Variants in DLG2 observed in about 807,000 individuals in gnomAD.
DLG2 encodes the protein disks large homolog 2.
Under a neutral mutation model 132.5 loss-of-function variants are expected in DLG2, and 45 were observed. The ratio of observed to expected loss-of-function variants is 0.34; its 90% CI spans 0.27 to 0.44. DLG2 has a LOEUF of 0.44. DLG2 is among the 20% of genes least tolerant of loss of function. The pLI is 1.00. For missense variants in DLG2, 1,045 were observed against 1,196.9 expected (o/e 0.87, Z 1.87); for synonymous variants, 424 against 419.6 (o/e 1.01, Z -0.13).
chr11:84,090,742 A>G (rs1470051423), intron 10 of DLG2, among the ~76,000 whole-genome samples: 1 of 152,206 alleles, frequency 6.6e-6, no homozygotes, highest in Non-Finnish European at 1.5e-5. Context: ...TGTTCATTCT[A>G]TCAGGTTCAG....
chr11:85,046,179 C>A (rs188024224), intron 6 of DLG2, among the ~76,000 whole-genome samples: 40 of 152,132 alleles, frequency 2.6e-4, no homozygotes, highest in Non-Finnish European at 4.7e-4. Context: ...CAACCTAATT[C>A]CCTCTATGAT....
chr11:85,317,575 T>C (rs147008131), intron 3 of DLG2, among the ~76,000 whole-genome samples: 267 of 152,088 alleles, frequency 1.8e-3, no homozygotes, highest in Non-Finnish European at 2.8e-3. Flanking sequence ...TGCTGGATGC[T>C]ATGAGAATAG....
At chr11:84,269,692 A>G (rs981947674) in intron 7 of DLG2, among the ~76,000 whole-genome samples, 1 of 152,228 alleles carries the variant, frequency 6.6e-6, no homozygotes, top group Non-Finnish European at 1.5e-5. Context: ...GAGATGAATG[A>G]ACGAATGAAT....
At chr11:84,646,617 A>C (rs2154545940) in intron 6 of DLG2, among the ~76,000 whole-genome samples, 1 of 152,274 alleles carries the variant, frequency 6.6e-6, no homozygotes, top group Non-Finnish European at 1.5e-5. Context: ...AAAAAGAAAA[A>C]AAAAACTCTA....
intron 15 of DLG2, among the ~76,000 whole-genome samples, chr11:83,881,551 C>T (rs1197884892): frequency 1.3e-5 from 2 of 152,076 alleles, no homozygotes; most frequent in Non-Finnish European, 2.9e-5. Flanking sequence ...TATAATAAGG[C>T]ATAAGGACTG....
At chr11:85,153,812 A>C (rs1157862100) in intron 5 of DLG2, among the ~76,000 whole-genome samples, 1 of 152,178 alleles carries the variant, frequency 6.6e-6, no homozygotes, top group Non-Finnish European at 1.5e-5. Context: ...AGCAGTACTA[A>C]GCATGTTCAT....
At chr11:85,488,655 A>G (rs564325451) in intron 3 of DLG2, among the ~76,000 whole-genome samples, 4 of 152,210 alleles carry the variant, frequency 2.6e-5, no homozygotes, top group Admixed American at 2.0e-4. Context: ...AATAAACAAG[A>G]GTATTCCCAG....
chr11:84,155,669 A>T (rs75602007), intron 9 of DLG2, among the ~76,000 whole-genome samples: 6,471 of 151,996 alleles, frequency 0.043, 440 homozygotes, highest in African/African-American at 0.15. Flanking sequence ...TTCTCAAATT[A>T]TTCCAACACC....
At chr11:85,568,970 T>C (rs988548354) in intron 3 of DLG2, among the ~76,000 whole-genome samples, 1 of 152,172 alleles carries the variant, frequency 6.6e-6, no homozygotes, top group Non-Finnish European at 1.5e-5. Context: ...CATTCTTCTT[T>C]TTCTAGTTCT....
intron 3 of DLG2, 89 bp downstream of exon 3, chr11:85,598,567 TG>T (rs1371188352): frequency 4.6e-5 from 39 of 846,068 alleles, no homozygotes; most frequent in Non-Finnish European, 6.0e-5. Flanking sequence ...GTTTGAAACT[TG>T]GTTAACATCA....
chr11:84,185,575 C>A (rs865819104), intron 8 of DLG2, among the ~76,000 whole-genome samples: 2 of 152,108 alleles, frequency 1.3e-5, no homozygotes, highest in South Asian at 2.1e-4. Context: ...CCTTCTCCTG[C>A]CTGATTGCCC....
At position 85,205,175 on chromosome 11, in the gene DLG2, T is replaced by C. The variant is rs1489461132; in HGVS notation, c.187-50524A>G. On this transcript the variant is annotated intron_variant, in intron 4 of 27. Coordinates refer to ENST00000376104, the MANE Select transcript of DLG2 (RefSeq NM_001142699.3). ...ATATATATATATATAGATATATATA[T>C]ATATAACAATGGAATATTATTCAGC... 5.4e-5 allele frequency among the ~76,000 whole-genome samples: 8 copies of C among 148,308 alleles called. No homozygotes were observed. In the East Asian group the frequency reaches 1.2e-3, roughly 22 times the overall value.
intron 5 of DLG2, among the ~76,000 whole-genome samples, chr11:85,122,980 T>TATATATATATATA (rs1169673884): frequency 2.5e-4 from 7 of 27,580 alleles, no homozygotes; most frequent in South Asian, 2.4e-3. Flanking sequence ...TTTTTTTTTT[T>TATATATATATATA]TTTTTTTTTT....
rs572452427 is a variant in DLG2, at chr11:85,157,347, G to A, written c.187-2696C>T. 2.6e-5 allele frequency among the ~76,000 whole-genome samples: 4 copies of A among 152,288 alleles called. No homozygotes were observed. In the South Asian group the frequency reaches 8.3e-4, roughly 32 times the overall value. On this transcript the variant is annotated intron_variant, in intron 4 of 27. Coordinates refer to ENST00000376104, the MANE Select transcript of DLG2 (RefSeq NM_001142699.3). Reference sequence around the variant, plus strand: ...TTTCATTGGTTTGGGGGTTTCTGGAGTTGGCTGCTTAACATGATTCGACCC... The same window carrying A: ...TTTCATTGGTTTGGGGGTTTCTGGAATTGGCTGCTTAACATGATTCGACCC...
In DLG2 at chr11:84,398,779, A is replaced by G. The variant is rs759046841; in HGVS notation, c.519+135791T>C. 9.2e-5 allele frequency among the ~76,000 whole-genome samples: 14 copies of G among 152,204 alleles called. 1 individual carries two copies. The highest frequency in any genetic ancestry group is 7.9e-4 in the Admixed American group (12 of 15,276). ...CAATTCTTACTGTGTAAAATAAACT[A>G]TCATATGATCTGTGTTGTAACATCA... On this transcript the variant is annotated intron_variant, in intron 7 of 27. Transcript: ENST00000376104.
chr11:84,343,534 C>T (rs775738283), intron 7 of DLG2, among the ~76,000 whole-genome samples: 29 of 152,200 alleles, frequency 1.9e-4, no homozygotes, highest in African/African-American at 6.3e-4. Context: ...TCCTTGTCTT[C>T]GAGGAGCTTG....
intron 10 of DLG2, among the ~76,000 whole-genome samples, chr11:84,076,508 C>A (rs188289575): frequency 6.6e-5 from 10 of 152,306 alleles, no homozygotes; most frequent in African/African-American, 2.2e-4. Context: ...AGTTAAGCAA[C>A]TTACTCAAAT....
chr11:84,231,743 A>C (rs1352596028), intron 8 of DLG2, among the ~76,000 whole-genome samples: 2 of 152,188 alleles, frequency 1.3e-5, no homozygotes, highest in African/African-American at 4.8e-5. Context: ...AAAAGATGGG[A>C]CCATAGGTAG....
chr11:84,552,557 C>G (rs2099403884), intron 6 of DLG2, among the ~76,000 whole-genome samples: 1 of 152,152 alleles, frequency 6.6e-6, no homozygotes, highest in Admixed American at 6.6e-5. Context: ...AGACTGCGGT[C>G]AGAACTCATA....
Sources: gnomAD v4.1 joint callset for allele counts (sites outside exome capture counted in the v4.1 genomes callset) on GRCh38, gnomAD v4.1.1 for gene constraint, MANE v1.5 for transcripts, NCBI Gene and HGNC (gene_info 2026-07-23, HGNC 2026-07-21) for gene names.